MAP2: variants seen among roughly 807,000 people sequenced by gnomAD.
MAP2 encodes microtubule-associated protein 2.
MAP2 carries 14 observed loss-of-function variants against 137.6 expected under a neutral mutation model. The ratio of observed to expected loss-of-function variants is 0.10; its 90% CI spans 0.07 to 0.16. MAP2 has a LOEUF of 0.16. Ranked by LOEUF, MAP2 falls within the 10% of genes least tolerant of loss-of-function variation. The pLI is 1.00. For missense variants in MAP2, 2,088 were observed against 2,191.5 expected (o/e 0.95, Z 0.94); for synonymous variants, 786 against 782.3 (o/e 1.00, Z -0.08).
At chr2:209,692,368 A>G (rs993666909) in intron 7 of MAP2, among the ~76,000 whole-genome samples, 2 of 151,872 alleles carry the variant, frequency 1.3e-5, no homozygotes, top group African/African-American at 4.8e-5. Context: ...AAAAAAGAGA[A>G]AAGAATATCC....
At chr2:209,568,241 A>G (rs1405459723) in intron 2 of MAP2, among the ~76,000 whole-genome samples, 1 of 151,972 alleles carries the variant, frequency 6.6e-6, no homozygotes, top group Non-Finnish European at 1.5e-5. Flanking sequence ...TCAACAGCCA[A>G]GAGAATAAGT....
intron 3 of MAP2, among the ~76,000 whole-genome samples, chr2:209,591,236 C>T (rs542727534): frequency 4.6e-5 from 7 of 152,252 alleles, no homozygotes; most frequent in South Asian, 2.1e-4. Flanking sequence ...GCCCCTCTGC[C>T]GGAAGTCATT....
At chr2:209,429,299 G>A (rs1252958529) in intron 1 of MAP2, among the ~76,000 whole-genome samples, 1 of 151,846 alleles carries the variant, frequency 6.6e-6, no homozygotes, top group Non-Finnish European at 1.5e-5. Context: ...TGTATACAAC[G>A]AATTTTTTTA....
At chr2:209,660,901 A>AT (rs1559502866) in intron 5 of MAP2, among the ~76,000 whole-genome samples, 1 of 143,760 alleles carries the variant, frequency 7.0e-6, no homozygotes, top group African/African-American at 2.7e-5. Context: ...CGCCCGGCTA[A>AT]TTTTTTGTAT....
intron 5 of MAP2, among the ~76,000 whole-genome samples, chr2:209,655,437 A>G (rs2095079978): frequency 6.6e-6 from 1 of 152,236 alleles, no homozygotes; most frequent in Non-Finnish European, 1.5e-5. Flanking sequence ...AAATCTTTAG[A>G]AAAAGGAAAA....
intron 11 of MAP2, among the ~76,000 whole-genome samples, chr2:209,702,989 G>A (rs2062210638): frequency 6.6e-6 from 1 of 152,054 alleles, no homozygotes; most frequent in Non-Finnish European, 1.5e-5. Context: ...TCACCCATGA[G>A]ACATATGGCA....
rs141111220 is a variant in MAP2 at position 209,499,308 on chromosome 2, C to T, written c.-221-8284C>T. 3.8e-3 allele frequency among the ~76,000 whole-genome samples: 583 copies of T among 152,294 alleles called. 3 individuals are homozygous for T. Among genetic ancestry groups the T allele is most frequent in the Non-Finnish European group, 6.7e-3 (455 of 68,018 alleles). On this transcript the variant is annotated intron_variant, in intron 1 of 15. Coordinates refer to ENST00000682079, the MANE Select transcript of MAP2 (RefSeq NM_001375505.1). The stretch of plus-strand genomic sequence containing the variant: ...AAAACATGTGACCTTTGCCCCAGTT[C>T]CCAGTAAGTTCCTCATTTCCATCAG...
chr2:209,572,565 G>A (rs527932131), intron 2 of MAP2, among the ~76,000 whole-genome samples: 1 of 152,036 alleles, frequency 6.6e-6, no homozygotes, highest in Non-Finnish European at 1.5e-5. Context: ...AGAATACCTA[G>A]TAAACTTAAA....
At chr2:209,464,995 C>T (rs1157070874) in intron 1 of MAP2, among the ~76,000 whole-genome samples, 1 of 152,026 alleles carries the variant, frequency 6.6e-6, no homozygotes, top group Non-Finnish European at 1.5e-5. Context: ...CATGTAATAT[C>T]ATAAGCTTTC....
intron 1 of MAP2, among the ~76,000 whole-genome samples, chr2:209,477,352 G>A (rs549297826): frequency 1.3e-5 from 2 of 151,798 alleles, no homozygotes; most frequent in African/African-American, 4.8e-5. Flanking sequence ...CCACAAAAAT[G>A]AAATATGAAG....
At chr2:209,725,466 T>G (rs191119600) in intron 13 of MAP2, among the ~76,000 whole-genome samples, 160 of 152,334 alleles carry the variant, frequency 1.1e-3, no homozygotes, top group African/African-American at 3.3e-3. Context: ...ATAATCTGCT[T>G]TCAACTAATA....
intron 3 of MAP2, among the ~76,000 whole-genome samples, chr2:209,593,825 A>G (rs2080331745): frequency 1.4e-5 from 1 of 73,546 alleles, no homozygotes; most frequent in Non-Finnish European, 2.6e-5. Context: ...ATAATACATT[A>G]TATTTATATT....
chr2:209,424,859 G>A (rs910664055), intron 1 of MAP2, among the ~76,000 whole-genome samples: 12 of 152,308 alleles, frequency 7.9e-5, no homozygotes, highest in African/African-American at 2.9e-4. Flanking sequence ...GGCGGGGCAC[G>A]AAGAAATGAG....
chr2:209,724,627 G>A (rs1473320902), intron 13 of MAP2, among the ~76,000 whole-genome samples: 1 of 152,054 alleles, frequency 6.6e-6, no homozygotes, highest in Non-Finnish European at 1.5e-5. Context: ...CCTTCTACAA[G>A]CAGCTGTTGC....
chr2:209,706,776 T>C lies in MAP2; in HGVS notation c.4732+1049T>C, dbSNP rs555727576. Among the ~76,000 whole-genome samples, 202 of 152,264 alleles carry C rather than the reference T, an allele frequency of 1.3e-3. 1 individual carries two copies. The highest frequency in any genetic ancestry group is 4.6e-3 in the African/African-American group (191 of 41,574). On this transcript the variant is annotated intron_variant, in intron 12 of 15. Transcript: ENST00000682079. ...ACATTATAGTTGACTTCAACACTTA[T>C]TTTGATAATAATTGGCCCACTTAAA...
rs1182776287 is a variant in MAP2 at position 209,695,230 on chromosome 2, T to G, written c.3060T>G (p.Ser1020Arg). The change falls in exon 8 of 16, where the codon AGT becomes AGG. Residue 1020 changes from serine to arginine, a missense_variant. Physicochemically the swap from Ser to Arg is moderately radical, Grantham distance 110. This residue lies in a region of MAP2 where 500 missense variants were observed against 482.9 expected (regional missense o/e 1.04). Coordinates refer to ENST00000682079, the MANE Select transcript of MAP2 (RefSeq NM_001375505.1). ...ASSEKAEKGL[S>R]SVPEIAEVEP... Reference sequence around the variant, plus strand: ...CTGAGAAAGCAGAGAAGGGTCTTAGTTCAGTGCCAGAGATAGCTGAGGTAG... The same window carrying G: ...CTGAGAAAGCAGAGAAGGGTCTTAGGTCAGTGCCAGAGATAGCTGAGGTAG... 6.2e-7 allele frequency: 1 copy of G among 1,614,116 alleles called. No individual in the cohort carries two copies. The highest frequency in any genetic ancestry group is 1.1e-5 in the South Asian group (1 of 91,052).
rs1310253833 is a variant in MAP2, at chr2:209,733,943, T to C, written c.*3546T>C. On this transcript the variant is annotated 3_prime_UTR_variant, in exon 16 of 16. Coordinates refer to ENST00000682079, the MANE Select transcript of MAP2 (RefSeq NM_001375505.1). ...GGATTCCGAGGTTCCAACACACTGT[T>C]ACAAATCTGTGGGGGGTTTCTTTCT... 1 of 152,632 alleles carries C rather than the reference T, an allele frequency of 6.6e-6. No individual in the cohort carries two copies. Among genetic ancestry groups the C allele is most frequent in the Non-Finnish European group, 1.5e-5 (1 of 68,046 alleles). The allele number at this position is 152,632 out of a possible 1,614,324, so 9.5% of individuals were successfully genotyped here.
At chr2:209,437,903 A>G (rs1200013150) in intron 1 of MAP2, among the ~76,000 whole-genome samples, 2 of 151,688 alleles carry the variant, frequency 1.3e-5, no homozygotes, top group Non-Finnish European at 3.0e-5. Context: ...GTTTAGAGTC[A>G]CAGAGAATTA....
chr2:209,680,719 G>C (rs2153688761), intron 6 of MAP2, 31 bp from the exon 7 acceptor site: 1 of 1,573,072 alleles, frequency 6.4e-7, no homozygotes, highest in East Asian at 2.2e-5. Flanking sequence ...ATTAATTATT[G>C]CATCTCATTT....
Sources: allele counts gnomAD v4.1 joint callset (sites outside exome capture counted in the v4.1 genomes callset), GRCh38; gene constraint gnomAD v4.1.1; regional missense constraint gnomAD v4.1.1; transcripts MANE v1.5; gene names NCBI Gene and HGNC (gene_info 2026-07-23, HGNC 2026-07-21).